PTPDC1: variants seen among roughly 807,000 people sequenced by gnomAD.
PTPDC1 encodes the protein protein tyrosine phosphatase domain containing 1, also known as protein tyrosine phosphatase domain-containing protein 1.
In PTPDC1, 53 loss-of-function variants were observed where a neutral mutation model predicts 75.3. The observed-to-expected ratio is 0.70, with a 90% CI of 0.56 to 0.88. The LOEUF is 0.88. Among genes scored for constraint, PTPDC1 ranks in the 40% least tolerant of loss-of-function variants. The pLI is 0.00. For synonymous variants in PTPDC1, 349 were observed against 366.2 expected (o/e 0.95, Z 0.54); for missense variants, 925 against 998.6 (o/e 0.93, Z 0.99).
chr9:94,064,660 C>A (rs1587861487), intron 1 of PTPDC1: 1 of 1,001,256 alleles, frequency 1.0e-6, no homozygotes, highest in Non-Finnish European at 1.5e-6. Flanking sequence ...TAACAAAGGT[C>A]TAGCCATATT....
chr9:94,060,196 G>C (rs969915717), intron 1 of PTPDC1, among the ~76,000 whole-genome samples: 16 of 152,218 alleles, frequency 1.1e-4, no homozygotes, highest in Admixed American at 5.9e-4. Context: ...GGAAGAAAGG[G>C]TGTATTGTTC....
chr9:94,065,512 A>T (rs2117873087), intron 2 of PTPDC1, among the ~76,000 whole-genome samples: 1 of 152,322 alleles, frequency 6.6e-6, no homozygotes, highest in East Asian at 1.9e-4. Context: ...CTAAGTATGG[A>T]TTAGATGATA....
Position 94,104,266 on chromosome 9 carries a change from CA to C in PTPDC1, c.2200-4del. On this transcript the variant is annotated splice_polypyrimidine_tract_variant and splice_region_variant and intron_variant, in intron 7 of 8. Transcript: ENST00000620992. ...AAAATTTTTTAAATTTTGATTTCTA[CA>C]AAAACAGGGACAGCACCAGACTATT... The C allele has an allele frequency of 6.3e-7, 1 of 1,588,962 alleles. No individual in the cohort carries two copies.
chr9:94,095,734 C>G (rs1251951260), intron 5 of PTPDC1, among the ~76,000 whole-genome samples: 1 of 152,110 alleles, frequency 6.6e-6, no homozygotes, highest in Non-Finnish European at 1.5e-5. Flanking sequence ...GATCTGATCA[C>G]TATACATTAT....
chr9:94,087,801 C>T lies in PTPDC1; in HGVS notation c.417-30C>T, dbSNP rs1287177844. 1.0e-5 allele frequency: 16 copies of T among 1,548,050 alleles called. No individual in the cohort carries two copies. In the South Asian group the frequency reaches 1.7e-4, roughly 16 times the overall value. On this transcript the variant is annotated intron_variant, in intron 2 of 8. Transcript: ENST00000620992. ...GACTGGAACTTCCTAGGTTTCAGCA[C>T]ATCTCACCAGTCCCTCCACCTATTT...
rs112171993 is a variant in PTPDC1, at chr9:94,109,195, G to T, written c.*1251G>T. 6 of 151,984 alleles carry T rather than the reference G, an allele frequency of 3.9e-5. No individual in the cohort carries two copies. Among genetic ancestry groups the T allele is most frequent in the Admixed American group, 1.3e-4 (2 of 15,266 alleles). 9.4% of individuals were successfully genotyped at this position (151,984 alleles called of 1,614,324 possible). A position where few individuals can be genotyped will look rare whatever the true frequency, so the allele number is the denominator to read the frequency against. ...CATACTTTTATTTAAATTAATATAC[G>T]TAGATACCAGAGGCCAAGCCACAGA... On this transcript the variant is annotated 3_prime_UTR_variant, in exon 9 of 9. Transcript: ENST00000620992.
At chr9:94,036,710 G>A (rs1479579111) in intron 1 of PTPDC1, among the ~76,000 whole-genome samples, 1 of 152,182 alleles carries the variant, frequency 6.6e-6, no homozygotes, top group Non-Finnish European at 1.5e-5. Flanking sequence ...CTCTGGATTA[G>A]ACTTCCCTGG....
At chr9:94,087,324 T>G (rs1453033545) in intron 2 of PTPDC1, among the ~76,000 whole-genome samples, 3 of 152,144 alleles carry the variant, frequency 2.0e-5, no homozygotes, top group Non-Finnish European at 2.9e-5. Context: ...CTTACACGGG[T>G]GCACCAAAAT....
At chr9:94,032,098 GAGCTA>G (rs1475233690) in intron 1 of PTPDC1, among the ~76,000 whole-genome samples, 2 of 152,338 alleles carry the variant, frequency 1.3e-5, no homozygotes, top group African/African-American at 4.8e-5. Context: ...GTCACAGTCA[GAGCTA>G]TTAATATTAA....
At chr9:94,034,114 AG>A (rs1243969607) in intron 1 of PTPDC1, among the ~76,000 whole-genome samples, 1 of 152,256 alleles carries the variant, frequency 6.6e-6, no homozygotes, top group African/African-American at 2.4e-5. Flanking sequence ...GAATAATGTC[AG>A]TGAATTTAAC....
intron 4 of PTPDC1, among the ~76,000 whole-genome samples, chr9:94,091,544 C>A (rs979681048): frequency 6.6e-6 from 1 of 151,964 alleles, no homozygotes; most frequent in Non-Finnish European, 1.5e-5. Flanking sequence ...CTAAAATTCT[C>A]TTTTTTTGTT....
intron 4 of PTPDC1, among the ~76,000 whole-genome samples, chr9:94,093,871 C>T (rs1327149375): frequency 1.3e-5 from 2 of 149,480 alleles, no homozygotes; most frequent in African/African-American, 5.0e-5. Flanking sequence ...TCCAGTTGAT[C>T]GCATCGGCTC....
In PTPDC1 at chr9:94,101,554, C is replaced by G; in HGVS notation, c.2014-12C>G. The G allele has an allele frequency of 6.2e-7, 1 of 1,608,524 alleles. No individual in the cohort carries two copies. The highest frequency in any genetic ancestry group is 1.1e-5 in the South Asian group (1 of 90,682). On this transcript the variant is annotated splice_polypyrimidine_tract_variant and intron_variant, in intron 6 of 8. Coordinates refer to ENST00000620992, the MANE Select transcript of PTPDC1 (RefSeq NM_001253829.2). ...TGTCTCTGTCTGTCTGTCTCTTTCT[C>G]TTCCTTTTTAGAAAGAGCTTAATTC...
chr9:94,101,525 T>A, intron 6 of PTPDC1, 41 bp from the exon 7 acceptor site: 1 of 1,506,252 alleles, frequency 6.6e-7, no homozygotes, highest in Non-Finnish European at 9.2e-7. Context: ...CCTCTCCCTG[T>A]CTCTGTCTCT....
rs564996961 is a variant in PTPDC1, at chr9:94,069,522, C to CTT, written c.82+4717_82+4718dup. 4.0e-3 allele frequency among the ~76,000 whole-genome samples: 541 copies of CTT among 135,764 alleles called. 6 individuals carry two copies. Among genetic ancestry groups the CTT allele is most frequent in the African/African-American group, 0.014 (506 of 36,818 alleles). The allele number at this position is 135,764 out of a possible 152,430, so 89.1% of individuals were successfully genotyped here. A position where few individuals can be genotyped will look rare whatever the true frequency, so the allele number is the denominator to read the frequency against. ...CAAGTTCACTTTGGTACTTCCAATT[C>CTT]TTTTTTTTTTTTTTTTTGGACAGAG... On this transcript the variant is annotated intron_variant, in intron 2 of 9. Transcript: ENST00000375360.
At chr9:94,062,455 T>C (rs1826171375) in intron 1 of PTPDC1, among the ~76,000 whole-genome samples, 1 of 152,184 alleles carries the variant, frequency 6.6e-6, no homozygotes, top group Non-Finnish European at 1.5e-5. Context: ...TTCAAGTATC[T>C]TTATTAGTCC....
intron 1 of PTPDC1, among the ~76,000 whole-genome samples, chr9:94,056,564 G>A (rs1358962368): frequency 6.6e-6 from 1 of 152,150 alleles, no homozygotes; most frequent in African/African-American, 2.4e-5. Flanking sequence ...GTCTGGGAAG[G>A]ATTATACCAC....
In PTPDC1 at chr9:94,084,777, C is replaced by G. The variant is rs759605832; in HGVS notation, c.244+3C>G. The G allele has an allele frequency of 1.3e-6, 2 of 1,545,892 alleles. No individual in the cohort carries two copies. Among genetic ancestry groups the G allele is most frequent in the South Asian group, 2.5e-5 (2 of 79,928 alleles). ...TTTCCCCGAAAGAAAAAGTAAAGGT[C>G]TCTTTCTTCTTATAGATTGCCATAC... On this transcript the variant is annotated splice_donor_region_variant and intron_variant, in intron 1 of 8. Transcript: ENST00000620992.
chr9:94,092,062 G>GT (rs1453871113), intron 4 of PTPDC1, among the ~76,000 whole-genome samples: 1 of 150,398 alleles, frequency 6.6e-6, no homozygotes, highest in East Asian at 1.9e-4. Flanking sequence ...TTATTGAAGG[G>GT]TTTTTTGTGT....
Sources: allele counts gnomAD v4.1 joint callset (sites outside exome capture counted in the v4.1 genomes callset), GRCh38; gene constraint gnomAD v4.1.1; transcripts MANE v1.5; gene names NCBI Gene and HGNC (gene_info 2026-07-23, HGNC 2026-07-21).